SMS: variants seen among roughly 807,000 people sequenced by gnomAD.
SMS encodes spermine synthase, also known as spermidine aminopropyltransferase.
SMS carries 3 observed loss-of-function variants against 33.0 expected under a neutral mutation model. That is an observed-to-expected ratio of 0.09 (90% CI 0.04 to 0.23). The LOEUF (loss-of-function observed/expected upper bound fraction) is 0.23. SMS is among the 10% of genes least tolerant of loss of function. The pLI is 1.00. For synonymous variants in SMS, 103 were observed against 112.2 expected, an observed-to-expected ratio of 0.92 and a Z score of 0.52; for missense variants, 117 against 288.6, an observed-to-expected ratio of 0.41 and a Z score of 4.31.
intron 6 of SMS, among the ~76,000 whole-genome samples, chrX:21,978,392 T>C (rs973875504): frequency 4.5e-5 from 5 of 111,311 alleles, no homozygotes; most frequent in African/African-American, 1.6e-4. Context: ...CTGATCGACA[T>C]GGCGAAACCC....
At chrX:21,983,386 T>C (rs1925111442) in intron 7 of SMS, among the ~76,000 whole-genome samples, 1 of 85,443 alleles carries the variant, frequency 1.2e-5, no homozygotes, top group South Asian at 8.2e-4. Flanking sequence ...TATTTAATTT[T>C]TCTTTTACTT....
chrX:21,971,822 ATCTC>A (rs752803645), intron 2 of SMS, 71 bp from the exon 3 acceptor site: 23 of 649,613 alleles, frequency 3.5e-5, no homozygotes, highest in Admixed American at 4.9e-5. Flanking sequence ...ATTGGGTGAC[ATCTC>A]TCTCTCTCTC....
intron 9 of SMS, among the ~76,000 whole-genome samples, chrX:21,986,347 CAAAAAAAAA>C (rs57792709): frequency 6.0e-5 from 2 of 33,221 alleles, no homozygotes; most frequent in African/African-American, 1.3e-4. Flanking sequence ...GACTACATCT[CAAAAAAAAA>C]AAAAAAAAAA....
chrX:21,988,662 C>CAAAAAAAAAAAAAAAAAAA lies in SMS; in HGVS notation c.945+3451_945+3469dup, dbSNP rs199561897. Among the ~76,000 whole-genome samples the CAAAAAAAAAAAAAAAAAAA allele has an allele frequency of 1.3e-3, 87 of 66,124 alleles. 3 individuals carry two copies. The highest frequency in any genetic ancestry group is 1.8e-3 in the Non-Finnish European group (65 of 35,325). The allele number at this position is 66,124 out of a possible 115,157, so 57.4% of individuals were successfully genotyped here. A position where few individuals can be genotyped will look rare whatever the true frequency, so the allele number is the denominator to read the frequency against. ...CCTGGGCAAGAGGGAGACTCTGTCT[C>CAAAAAAAAAAAAAAAAAAA]AAAAAAAAAAAAAAAAAAAAAAAAA... On this transcript the variant is annotated intron_variant, in intron 9 of 10. Coordinates refer to ENST00000404933, the MANE Select transcript of SMS (RefSeq NM_004595.5).
chrX:21,946,723 C>T (rs898049155), intron 1 of SMS, among the ~76,000 whole-genome samples: 2 of 111,645 alleles, frequency 1.8e-5, no homozygotes, highest in African/African-American at 6.5e-5. Context: ...CGTCCTGCAG[C>T]GCACAGGACA....
intron 7 of SMS, 41 bp from the exon 8 acceptor site, chrX:21,984,263 C>T (rs376626633): frequency 2.3e-5 from 19 of 822,571 alleles, no homozygotes; most frequent in African/African-American, 6.0e-5. Context: ...TAACTACATC[C>T]ACATGTTGGC....
chrX:21,949,549 T>C (rs1922466514), intron 1 of SMS, among the ~76,000 whole-genome samples: 1 of 112,305 alleles, frequency 8.9e-6, no homozygotes, highest in African/African-American at 3.2e-5. Flanking sequence ...AAAGCAGAAT[T>C]TTAAAAGGAC....
At chrX:21,986,375 A>T (rs1435343591) in intron 9 of SMS, among the ~76,000 whole-genome samples, 2 of 87,922 alleles carry the variant, frequency 2.3e-5, no homozygotes. Flanking sequence ...AAAAAAAAAA[A>T]GTCAGGAACA....
intron 9 of SMS, among the ~76,000 whole-genome samples, chrX:21,986,303 G>A (rs1451437209): frequency 2.4e-5 from 2 of 84,167 alleles, no homozygotes; most frequent in Non-Finnish European, 4.3e-5. Flanking sequence ...AGCCGAGATT[G>A]CACCACTGTA....
At chrX:21,957,667 T>C (rs1328605274) in intron 1 of SMS, among the ~76,000 whole-genome samples, 1 of 112,506 alleles carries the variant, frequency 8.9e-6, no homozygotes, top group Non-Finnish European at 1.9e-5. Flanking sequence ...ATTCTACTTC[T>C]AGTTCTTTAA....
At chrX:21,962,435 A>G (rs1376521422) in intron 1 of SMS, among the ~76,000 whole-genome samples, 1 of 111,993 alleles carries the variant, frequency 8.9e-6, no homozygotes, top group Admixed American at 9.5e-5. Flanking sequence ...AGCATTTTCT[A>G]TAACTTTTTG....
intron 1 of SMS, among the ~76,000 whole-genome samples, chrX:21,948,941 A>G (rs754333152): frequency 5.8e-4 from 65 of 112,186 alleles, no homozygotes; most frequent in African/African-American, 1.4e-3. Flanking sequence ...CGAACCACGT[A>G]TGTAAACCAT....
At chrX:21,973,561 G>A (rs1490218199) in intron 4 of SMS, among the ~76,000 whole-genome samples, 4 of 112,727 alleles carry the variant, frequency 3.5e-5, no homozygotes, top group African/African-American at 9.7e-5. Flanking sequence ...GACAGGGTGG[G>A]GTGATAAGAA....
In SMS at chrX:21,967,263, G is replaced by A; in HGVS notation, c.117G>A (p.Val39=). ...IFQEQGMAES[V]HTWQDHGYLA... The stretch of plus-strand genomic sequence containing the variant: ...AGGAGCAGGGGATGGCGGAGTCGGT[G>A]CACACCTGGCAGGACCATGGCTATT... The change falls in exon 2 of 11, where the codon GTG becomes GTA. Residue 39 remains valine, a synonymous_variant. Coordinates refer to ENST00000404933, the MANE Select transcript of SMS (RefSeq NM_004595.5). 1 of 1,209,119 alleles carries A rather than the reference G, an allele frequency of 8.3e-7. No individual in the cohort carries two copies. The highest frequency in any genetic ancestry group is 1.8e-5 in the South Asian group (1 of 56,881).
intron 9 of SMS, among the ~76,000 whole-genome samples, chrX:21,990,276 G>A (rs898528924): frequency 1.8e-5 from 2 of 112,019 alleles, no homozygotes; most frequent in Admixed American, 1.9e-4. Context: ...CTTCAGCCTG[G>A]GCAACACAGC....
intron 7 of SMS, among the ~76,000 whole-genome samples, chrX:21,982,292 C>T (rs778708882): frequency 4.4e-4 from 45 of 102,840 alleles, no homozygotes; most frequent in Middle Eastern, 4.9e-3. Flanking sequence ...GAGCCCAGAT[C>T]GCATCACTGC....
chrX:21,968,906 A>C (rs1602202255), intron 2 of SMS, among the ~76,000 whole-genome samples: 1 of 111,806 alleles, frequency 8.9e-6, no homozygotes, highest in East Asian at 2.8e-4. Flanking sequence ...CCCGTTCCCC[A>C]ATAACCTATG....
chrX:21,975,719 T>G (rs1378229481), intron 4 of SMS, among the ~76,000 whole-genome samples: 3 of 111,103 alleles, frequency 2.7e-5, no homozygotes, highest in African/African-American at 9.8e-5. Flanking sequence ...AAGAAGTGGT[T>G]AAATGAAGAG....
intron 1 of SMS, chrX:21,941,354 GTTC>G (rs1345163273): frequency 4.1e-6 from 1 of 244,884 alleles, no homozygotes; most frequent in African/African-American, 3.0e-5. Context: ...ACCTTTTCCT[GTTC>G]TTGCAGGCGG....
Sources: allele counts gnomAD v4.1 joint callset (sites outside exome capture counted in the v4.1 genomes callset), GRCh38; gene constraint gnomAD v4.1.1; transcripts MANE v1.5; gene names NCBI Gene and HGNC (gene_info 2026-07-23, HGNC 2026-07-21).